DGKB: variants seen among roughly 807,000 people sequenced by gnomAD.
The protein encoded by DGKB is 90 kDa diacylglycerol kinase.
Under a neutral mutation model 114.3 loss-of-function variants are expected in DGKB, and 67 were observed. The observed-to-expected ratio is 0.59, with a 90% CI of 0.48 to 0.72. The LOEUF (loss-of-function observed/expected upper bound fraction) is 0.72, where lower values mean the gene tolerates loss of function less well. Among genes scored for constraint, DGKB ranks in the 30% least tolerant of loss-of-function variants. The pLI, the probability that DGKB is intolerant of heterozygous loss-of-function variation, is 0.00. For missense variants in DGKB, 907 were observed against 975.2 expected (o/e 0.93, Z 0.93); for synonymous variants, 398 against 323.1 (o/e 1.23, Z -2.49).
At chr7:14,154,796 C>T (rs1344928975) in intron 25 of DGKB, among the ~76,000 whole-genome samples, 1 of 148,270 alleles carries the variant, frequency 6.7e-6, no homozygotes, top group Non-Finnish European at 1.5e-5. Context: ...TCTGTTGACA[C>T]AGAAAAAAGG....
chr7:14,295,153 G>A (rs1395653937), intron 23 of DGKB, among the ~76,000 whole-genome samples: 1 of 152,032 alleles, frequency 6.6e-6, no homozygotes, highest in Non-Finnish European at 1.5e-5. Flanking sequence ...GTTCTCTATC[G>A]ATATCTACTG....
chr7:14,259,323 C>T (rs1796390444), intron 23 of DGKB, among the ~76,000 whole-genome samples: 1 of 101,372 alleles, frequency 9.9e-6, no homozygotes, highest in South Asian at 3.6e-4. Flanking sequence ...TTAAGTTAAC[C>T]TCAATTAAAT....
chr7:14,686,708 C>G (rs925763690), intron 9 of DGKB, among the ~76,000 whole-genome samples: 2 of 152,068 alleles, frequency 1.3e-5, no homozygotes, highest in African/African-American at 4.8e-5. Context: ...TCTACAGTAA[C>G]TAATTCTTAC....
At chr7:14,211,414 A>G (rs35832991) in intron 23 of DGKB, among the ~76,000 whole-genome samples, 897 of 45,380 alleles carry the variant, frequency 0.02, 42 homozygotes, top group East Asian at 0.13. Context: ...ATTTACTCTC[A>G]TGTTTTGTGA....
At chr7:14,869,883 T>C (rs1406684402) in intron 1 of DGKB, among the ~76,000 whole-genome samples, 1 of 152,212 alleles carries the variant, frequency 6.6e-6, no homozygotes, top group Non-Finnish European at 1.5e-5. Context: ...GCTCATGCTA[T>C]ACCAGATCTA....
At chr7:14,968,739 T>G (rs1787302891) in intron 1 of DGKB, among the ~76,000 whole-genome samples, 1 of 152,180 alleles carries the variant, frequency 6.6e-6, no homozygotes, top group South Asian at 2.1e-4. Flanking sequence ...CCTGTCAAAA[T>G]GGAAGCAAAA....
At chr7:14,163,117 T>A (rs1784142767) in intron 25 of DGKB, among the ~76,000 whole-genome samples, 1 of 152,214 alleles carries the variant, frequency 6.6e-6, no homozygotes, top group South Asian at 2.1e-4. Flanking sequence ...AAATGGAAAT[T>A]ATATATTCCA....
At chr7:14,594,414 T>G (rs1285516298) in intron 17 of DGKB, among the ~76,000 whole-genome samples, 2 of 152,086 alleles carry the variant, frequency 1.3e-5, no homozygotes, top group African/African-American at 4.8e-5. Context: ...CATAGAGAAT[T>G]GACAGACAAT....
At chr7:14,791,073 C>T (rs558348816) in intron 2 of DGKB, among the ~76,000 whole-genome samples, 16 of 152,182 alleles carry the variant, frequency 1.1e-4, no homozygotes, top group Admixed American at 9.2e-4. Context: ...TAAAGCGATC[C>T]TCCTACCTCT....
At chr7:14,780,110 G>A (rs1160596833) in intron 2 of DGKB, among the ~76,000 whole-genome samples, 1 of 152,208 alleles carries the variant, frequency 6.6e-6, no homozygotes, top group African/African-American at 2.4e-5. Context: ...AAACAGTGAT[G>A]TGCCTTCTGC....
chr7:14,564,551 A>G (rs1401045237), intron 20 of DGKB, among the ~76,000 whole-genome samples: 2 of 152,188 alleles, frequency 1.3e-5, no homozygotes, highest in African/African-American at 4.8e-5. Context: ...AGGTCTTCCT[A>G]GTCTGCCATG....
At chr7:14,598,165 A>G (rs1279255154) in intron 17 of DGKB, among the ~76,000 whole-genome samples, 1 of 152,184 alleles carries the variant, frequency 6.6e-6, no homozygotes, top group Non-Finnish European at 1.5e-5. Flanking sequence ...TTTAGAGTGC[A>G]TGAATTGAAT....
chr7:14,719,546 T>A (rs2128353085), intron 5 of DGKB, among the ~76,000 whole-genome samples: 1 of 148,530 alleles, frequency 6.7e-6, no homozygotes, highest in Non-Finnish European at 1.5e-5. Flanking sequence ...GAGAAATAAC[T>A]AATGGGTTGA....
chr7:14,340,288 A>G (rs1358723157), intron 22 of DGKB, among the ~76,000 whole-genome samples: 7 of 150,354 alleles, frequency 4.7e-5, no homozygotes, highest in Non-Finnish European at 1.0e-4. Context: ...TATATATTCT[A>G]GATAAACAGA....
At chr7:14,609,575 A>C (rs1315526844) in intron 16 of DGKB, among the ~76,000 whole-genome samples, 1 of 152,126 alleles carries the variant, frequency 6.6e-6, no homozygotes, top group Non-Finnish European at 1.5e-5. Context: ...CCATCAACAG[A>C]GTAAAGTGAC....
At chr7:14,282,595 T>C (rs1358320019) in intron 23 of DGKB, among the ~76,000 whole-genome samples, 22 of 150,330 alleles carry the variant, frequency 1.5e-4, no homozygotes, top group South Asian at 6.3e-4. Flanking sequence ...TTGATGAACA[T>C]TGATGCAAAA....
Position 14,911,451 on chromosome 7 carries a change from T to C in DGKB, c.-188+63245A>G, listed in dbSNP as rs548842723. On this transcript the variant is annotated intron_variant, in intron 1 of 4. Coordinates refer to the DGKB transcript ENST00000437998. ...AATATTTTTCAATGTTATTAACTTATAAGCTCTATAAGTACCAGGACTCTC... is the reference window on the plus strand; with the variant it reads ...AATATTTTTCAATGTTATTAACTTACAAGCTCTATAAGTACCAGGACTCTC... 1.9e-4 allele frequency among the ~76,000 whole-genome samples: 29 copies of C among 152,284 alleles called. No individual in the cohort carries two copies. The East Asian group carries it at 5.4e-3, about 28-fold the overall frequency.
At chr7:14,814,144 A>G (rs1002322842) in intron 2 of DGKB, 2 of 152,340 alleles carry the variant, frequency 1.3e-5, no homozygotes, top group Non-Finnish European at 2.9e-5. Context: ...TGGTTCAGGC[A>G]TGGTGAGTGA....
chr7:14,322,734 A>G (rs997625862), intron 23 of DGKB, among the ~76,000 whole-genome samples: 7 of 152,170 alleles, frequency 4.6e-5, no homozygotes, highest in Non-Finnish European at 1.0e-4. Flanking sequence ...TTCAAATATA[A>G]ATTATATATA....
Sources: gnomAD v4.1 joint callset for allele counts (sites outside exome capture counted in the v4.1 genomes callset) on GRCh38, gnomAD v4.1.1 for gene constraint, MANE v1.5 for transcripts, NCBI Gene and HGNC (gene_info 2026-07-23, HGNC 2026-07-21) for gene names.